Variants in PTPRD observed in about 807,000 individuals in gnomAD.
PTPRD encodes the protein protein tyrosine phosphatase receptor type D, also known as receptor-type tyrosine-protein phosphatase delta.
A neutral mutation model predicts 214.5 loss-of-function variants in PTPRD; 34 were observed. The ratio of observed to expected loss-of-function variants is 0.16; its 90% CI spans 0.12 to 0.21. PTPRD has a LOEUF of 0.21. Among genes scored for constraint, PTPRD ranks in the 10% least tolerant of loss-of-function variants. The pLI, the probability that PTPRD is intolerant of heterozygous loss-of-function variation, is 1.00. For missense variants in PTPRD, 2,545 were observed against 2,398.7 expected, an observed-to-expected ratio of 1.06 and a Z score of -1.27; for synonymous variants, 1,128 against 845.7, an observed-to-expected ratio of 1.33 and a Z score of -5.79.
chr9:9,953,107 T>G (rs1158893109), intron 4 of PTPRD, among the ~76,000 whole-genome samples: 1 of 152,176 alleles, frequency 6.6e-6, no homozygotes, highest in Non-Finnish European at 1.5e-5. Flanking sequence ...TCTATTAGAT[T>G]TATCCATTTT....
intron 5 of PTPRD, among the ~76,000 whole-genome samples, chr9:9,902,407 T>C (rs186887852): frequency 5.9e-5 from 9 of 152,288 alleles, no homozygotes; most frequent in Admixed American, 3.9e-4. Flanking sequence ...TTAGTTTCTT[T>C]TTCTGCCGGT....
intron 9 of PTPRD, among the ~76,000 whole-genome samples, chr9:9,334,009 C>T (rs2043420649): frequency 6.6e-6 from 1 of 151,890 alleles, no homozygotes; most frequent in Non-Finnish European, 1.5e-5. Context: ...CTAAGCTAGT[C>T]TGTACATTTA....
chr9:8,813,838 G>C (rs1411560680), intron 11 of PTPRD, among the ~76,000 whole-genome samples: 1 of 152,202 alleles, frequency 6.6e-6, no homozygotes, highest in Non-Finnish European at 1.5e-5. Flanking sequence ...GGCTTACTGA[G>C]GAAGAAATTT....
At chr9:8,528,466 AAAGAG>A in intron 15 of PTPRD, 120 bp downstream of exon 15, 1 of 861,976 alleles carries the variant, frequency 1.2e-6, no homozygotes. Flanking sequence ...AGTAACAGAG[AAAGAG>A]AAGAGGGAGA....
chr9:10,260,679 T>C (rs749039902), intron 3 of PTPRD, among the ~76,000 whole-genome samples: 3 of 152,136 alleles, frequency 2.0e-5, no homozygotes, highest in Non-Finnish European at 2.9e-5. Flanking sequence ...CCTGATGACA[T>C]GAGAATATTC....
At chr9:10,128,927 T>TA (rs2098838972) in intron 3 of PTPRD, among the ~76,000 whole-genome samples, 3 of 152,284 alleles carry the variant, frequency 2.0e-5, no homozygotes, top group South Asian at 4.1e-4. Context: ...AAAGCTGAAT[T>TA]AGAGTGTCAT....
intron 12 of PTPRD, among the ~76,000 whole-genome samples, chr9:8,641,296 T>C (rs1032630815): frequency 2.0e-5 from 3 of 148,062 alleles, no homozygotes; most frequent in Non-Finnish European, 4.4e-5. Context: ...ATCAGTATTA[T>C]AGTTAGTGTA....
chr9:10,278,610 T>TA (rs1191683947), intron 3 of PTPRD, among the ~76,000 whole-genome samples: 1 of 152,172 alleles, frequency 6.6e-6, no homozygotes, highest in East Asian at 1.9e-4. Context: ...GATCTAGGTT[T>TA]TACATTTTCC....
At chr9:9,812,860 C>G (rs1411595701) in intron 5 of PTPRD, among the ~76,000 whole-genome samples, 1 of 151,932 alleles carries the variant, frequency 6.6e-6, no homozygotes, top group Non-Finnish European at 1.5e-5. Flanking sequence ...AGAATATTCT[C>G]CAGGGTATAT....
At chr9:9,193,851 A>G (rs1481529036) in intron 9 of PTPRD, among the ~76,000 whole-genome samples, 1 of 152,106 alleles carries the variant, frequency 6.6e-6, no homozygotes, top group Non-Finnish European at 1.5e-5. Flanking sequence ...CTTTGGCTAC[A>G]CTAAATTTAT....
intron 12 of PTPRD, among the ~76,000 whole-genome samples, chr9:8,717,230 G>A (rs148535342): frequency 8.5e-5 from 13 of 152,234 alleles, no homozygotes; most frequent in East Asian, 5.8e-4. Flanking sequence ...CACAAAAACC[G>A]TATCAATGTG....
At chr9:10,427,644 C>G (rs191095750) in intron 2 of PTPRD, among the ~76,000 whole-genome samples, 3 of 152,054 alleles carry the variant, frequency 2.0e-5, no homozygotes, top group African/African-American at 7.2e-5. Flanking sequence ...AAAGCCTGAG[C>G]GGACATGTAG....
chr9:9,151,840 C>T (rs2099877047), intron 10 of PTPRD, among the ~76,000 whole-genome samples: 1 of 152,142 alleles, frequency 6.6e-6, no homozygotes, highest in Non-Finnish European at 1.5e-5. Context: ...CCAGATCACG[C>T]CTGGGCCAGT....
At chr9:10,053,768 CT>C (rs201797298) in intron 3 of PTPRD, among the ~76,000 whole-genome samples, 4 of 151,088 alleles carry the variant, frequency 2.6e-5, no homozygotes, top group African/African-American at 7.3e-5. Flanking sequence ...GACTTCGCAA[CT>C]TTTTTTTTGG....
intron 8 of PTPRD, among the ~76,000 whole-genome samples, chr9:9,412,583 C>G (rs988022504): frequency 6.6e-6 from 1 of 152,264 alleles, no homozygotes; most frequent in East Asian, 1.9e-4. Flanking sequence ...CTCATCTCAT[C>G]CCAGTCACTA....
chr9:8,663,785 C>A lies in PTPRD; in HGVS notation c.65-26941G>T, dbSNP rs192485672. On this transcript the variant is annotated intron_variant, in intron 12 of 45. Transcript: ENST00000381196. ...GGATTACAGGTGTGAGCCACTGTGC[C>A]CAGCCTTTAATAGTATATTTGAAAC... Among the ~76,000 whole-genome samples the A allele has an allele frequency of 4.5e-3, 686 of 151,924 alleles. 9 individuals are homozygous for A. The highest frequency in any genetic ancestry group is 0.015 in the African/African-American group (630 of 41,414).
At chr9:8,531,531 T>C (rs1484696097) in intron 14 of PTPRD, among the ~76,000 whole-genome samples, 1 of 152,098 alleles carries the variant, frequency 6.6e-6, no homozygotes, top group Non-Finnish European at 1.5e-5. Context: ...TTCATAAAAA[T>C]GAGTTTCTGA....
At chr9:10,072,222 T>G (rs1361508061) in intron 3 of PTPRD, among the ~76,000 whole-genome samples, 1 of 152,106 alleles carries the variant, frequency 6.6e-6, no homozygotes, top group Non-Finnish European at 1.5e-5. Flanking sequence ...TATGAAAATA[T>G]GCTCAATATT....
chr9:10,130,943 C>A (rs952417108), intron 3 of PTPRD, among the ~76,000 whole-genome samples: 24 of 151,918 alleles, frequency 1.6e-4, no homozygotes, highest in African/African-American at 5.3e-4. Context: ...AGACTGGGAG[C>A]ACAGAACATT....
Sources: allele counts gnomAD v4.1 joint callset (sites outside exome capture counted in the v4.1 genomes callset), GRCh38; gene constraint gnomAD v4.1.1; transcripts MANE v1.5; gene names NCBI Gene and HGNC (gene_info 2026-07-23, HGNC 2026-07-21).